Variants in ABHD17C observed in about 807,000 individuals in gnomAD.
ABHD17C encodes alpha/beta hydrolase domain-containing protein 17C.
Under a neutral mutation model 27.9 loss-of-function variants are expected in ABHD17C, and 11 were observed. The ratio of observed to expected loss-of-function variants is 0.39; its 90% CI spans 0.25 to 0.65. ABHD17C has a LOEUF of 0.65. ABHD17C is among the 30% of genes least tolerant of loss of function. The probability of loss-of-function intolerance (pLI) is 0.45; values close to 1 mark genes in which losing one functional copy is unlikely to be tolerated. For missense variants in ABHD17C, 280 were observed against 470.2 expected (o/e 0.60, Z 3.74); for synonymous variants, 233 against 209.1 (o/e 1.11, Z -0.98).
intron 1 of ABHD17C, among the ~76,000 whole-genome samples, chr15:80,706,198 C>A (rs1347835775): frequency 2.0e-5 from 3 of 152,216 alleles, no homozygotes; most frequent in African/African-American, 7.2e-5. Context: ...ACCTCAGATT[C>A]ATGTGGCTTT....
chr15:80,720,750 G>T (rs536464666), intron 1 of ABHD17C, among the ~76,000 whole-genome samples: 1 of 151,948 alleles, frequency 6.6e-6, no homozygotes, highest in Non-Finnish European at 1.5e-5. Context: ...GTGAAACTCC[G>T]TCTCTACTAA....
chr15:80,745,672 A>G (rs1216024055), intron 1 of ABHD17C, among the ~76,000 whole-genome samples: 3 of 152,196 alleles, frequency 2.0e-5, no homozygotes, highest in African/African-American at 7.2e-5. Flanking sequence ...CAGCCTTAAC[A>G]GCATGACTTT....
intron 1 of ABHD17C, among the ~76,000 whole-genome samples, chr15:80,734,116 C>T (rs972282830): frequency 3.3e-5 from 5 of 152,080 alleles, no homozygotes; most frequent in Non-Finnish European, 7.4e-5. Context: ...TCCCGAGTAG[C>T]TGGGGCTACA....
intron 1 of ABHD17C, among the ~76,000 whole-genome samples, chr15:80,723,344 A>G (rs1304381332): frequency 6.6e-6 from 1 of 152,188 alleles, no homozygotes; most frequent in Non-Finnish European, 1.5e-5. Flanking sequence ...GCTATTAATG[A>G]AGCCTGCACA....
At chr15:80,704,489 TGTA>T (rs1180887536) in intron 1 of ABHD17C, 1 of 151,214 alleles carries the variant, frequency 6.6e-6, no homozygotes, top group Non-Finnish European at 1.5e-5. Flanking sequence ...GTGTAACATA[TGTA>T]ACTAACCTGC....
chr15:80,719,252 C>A (rs1567033634), intron 1 of ABHD17C, among the ~76,000 whole-genome samples: 1 of 152,218 alleles, frequency 6.6e-6, no homozygotes, highest in South Asian at 2.1e-4. Flanking sequence ...TGACTTTCTG[C>A]AAAGAAGTGA....
chr15:80,696,991 A>C (rs1567029032), intron 1 of ABHD17C, among the ~76,000 whole-genome samples: 1 of 152,200 alleles, frequency 6.6e-6, no homozygotes, highest in Admixed American at 6.5e-5. Context: ...TCTTCAGATG[A>C]AAGAGTCCCC....
At chr15:80,728,109 G>T (rs1248835600) in intron 1 of ABHD17C, among the ~76,000 whole-genome samples, 2 of 152,158 alleles carry the variant, frequency 1.3e-5, no homozygotes, top group African/African-American at 4.8e-5. Flanking sequence ...TGGAGCTGGT[G>T]GCACCACCTT....
chr15:80,753,433 G>A (rs1017446196), intron 2 of ABHD17C, among the ~76,000 whole-genome samples: 7 of 152,212 alleles, frequency 4.6e-5, no homozygotes, highest in African/African-American at 1.7e-4. Flanking sequence ...ACCAACGTTG[G>A]TGTTTTAGTT....
intron 2 of ABHD17C, among the ~76,000 whole-genome samples, chr15:80,752,821 C>T (rs1002654659): frequency 3.9e-5 from 6 of 152,326 alleles, no homozygotes; most frequent in Middle Eastern, 3.4e-3. Flanking sequence ...CGCCTACACA[C>T]CCAGCTCAAC....
intron 1 of ABHD17C, among the ~76,000 whole-genome samples, chr15:80,716,460 A>C (rs16972304): frequency 0.018 from 2,808 of 152,290 alleles, 88 homozygotes; most frequent in Admixed American, 0.089. Context: ...ATTTCTACAA[A>C]GTAAGAAGTT....
chr15:80,701,032 A>G (rs993756237), intron 1 of ABHD17C, among the ~76,000 whole-genome samples: 4 of 152,192 alleles, frequency 2.6e-5, no homozygotes, highest in South Asian at 2.1e-4. Context: ...TTGTAAAAGG[A>G]TGGATAGATT....
chr15:80,697,120 C>T (rs752080021), intron 1 of ABHD17C, among the ~76,000 whole-genome samples: 3 of 152,128 alleles, frequency 2.0e-5, no homozygotes, highest in Non-Finnish European at 4.4e-5. Context: ...CGTACTCACG[C>T]ATATGTTCCT....
At chr15:80,723,740 A>G (rs1205000771) in intron 1 of ABHD17C, among the ~76,000 whole-genome samples, 2 of 152,216 alleles carry the variant, frequency 1.3e-5, no homozygotes, top group Non-Finnish European at 2.9e-5. Context: ...GGCACACAGA[A>G]TCAGTGCAGG....
intron 1 of ABHD17C, among the ~76,000 whole-genome samples, chr15:80,747,825 A>G (rs1461266573): frequency 6.6e-6 from 1 of 152,118 alleles, no homozygotes; most frequent in East Asian, 1.9e-4. Context: ...TCTCTTCTGC[A>G]TGATTCTTAA....
At chr15:80,726,167 C>T (rs889303815) in intron 1 of ABHD17C, among the ~76,000 whole-genome samples, 9 of 152,238 alleles carry the variant, frequency 5.9e-5, no homozygotes, top group East Asian at 1.9e-4. Flanking sequence ...ACAGATCGCT[C>T]ATGCTATTGT....
intron 1 of ABHD17C, among the ~76,000 whole-genome samples, chr15:80,726,598 GC>G (rs149056442): frequency 7.1e-6 from 1 of 140,926 alleles, no homozygotes; most frequent in Non-Finnish European, 1.5e-5. Flanking sequence ...TGCAAGCTCC[GC>G]CCCCCCGCGT....
At position 80,695,967 on chromosome 15, in the gene ABHD17C, G is replaced by A; in HGVS notation, c.538G>A (p.Glu180Lys). The part of the protein sequence containing the change: ...GYGVSSGKPS[E>K]KNLYADIDAA... ...CGGCGTCAGCTCGGGCAAGCCCTCC[G>A]AGAAGAACCTCTACGCCGACATCGA... Residue 180 changes from glutamate (E) to lysine (K), a missense_variant, in exon 1 of 3, where the codon GAG becomes AAG. This residue lies in a region of ABHD17C where 206 missense variants were observed against 394.7 expected (regional missense o/e 0.52). Coordinates refer to ENST00000258884, the MANE Select transcript of ABHD17C (RefSeq NM_021214.2). The surrounding 1 kb of genome is among the most constrained non-coding windows in gnomAD (Gnocchi z 4.3). 1.3e-6 allele frequency: 2 copies of A among 1,592,932 alleles called. No homozygotes were observed. The highest frequency in any genetic ancestry group is 1.7e-6 in the Non-Finnish European group (2 of 1,177,350).
intron 1 of ABHD17C, among the ~76,000 whole-genome samples, chr15:80,721,108 A>G (rs1894891908): frequency 6.6e-6 from 1 of 151,178 alleles, no homozygotes; most frequent in Non-Finnish European, 1.5e-5. Context: ...CTTGTCTCCC[A>G]TATTCTCCAT....
Sources: allele counts gnomAD v4.1 joint callset (sites outside exome capture counted in the v4.1 genomes callset), GRCh38; gene constraint gnomAD v4.1.1; regional missense constraint gnomAD v4.1.1; non-coding constraint Gnocchi (gnomAD v3.1); transcripts MANE v1.5; gene names NCBI Gene and HGNC (gene_info 2026-07-23, HGNC 2026-07-21).